CANX: variants seen among roughly 807,000 people sequenced by gnomAD.
The protein encoded by CANX is epididymis secretory sperm binding protein.
A neutral mutation model predicts 75.7 loss-of-function variants in CANX; 14 were observed. The ratio of observed to expected loss-of-function variants is 0.19; its 90% CI spans 0.12 to 0.29. CANX has a LOEUF of 0.29. Ranked by LOEUF, CANX falls within the 10% of genes least tolerant of loss-of-function variation. The pLI, the probability that CANX is intolerant of heterozygous loss-of-function variation, is 1.00. For synonymous variants in CANX, 227 were observed against 236.9 expected (o/e 0.96, Z 0.38); for missense variants, 567 against 713.2 (o/e 0.79, Z 2.34).
intron 1 of CANX, among the ~76,000 whole-genome samples, chr5:179,680,032 C>T (rs1337091363): frequency 7.4e-6 from 1 of 134,472 alleles, no homozygotes; most frequent in Non-Finnish European, 1.5e-5. Flanking sequence ...AGGCTGGTCT[C>T]GAACTCCGGA....
At chr5:179,678,962 C>A (rs1244501977) in intron 1 of CANX, 1 of 1,535,658 alleles carries the variant, frequency 6.5e-7, no homozygotes, top group Admixed American at 2.0e-5. Flanking sequence ...GTAGGCGAGG[C>A]CCAGCTCGGC....
chr5:179,679,051 G>C (rs1411965187), intron 1 of CANX: 1 of 1,534,732 alleles, frequency 6.5e-7, no homozygotes, highest in Admixed American at 2.0e-5. Context: ...GTGGCGAGAA[G>C]GGCCGCGAGA....
upstream of CANX, chr5:179,698,426 C>A (rs2113071719): frequency 7.8e-7 from 1 of 1,280,660 alleles, no homozygotes; most frequent in Admixed American, 2.3e-5. Flanking sequence ...CAGTGCACGC[C>A]AATCCGGCCA....
intron 1 of CANX, among the ~76,000 whole-genome samples, chr5:179,682,108 C>T (rs1031095669): frequency 4.6e-5 from 7 of 151,492 alleles, no homozygotes; most frequent in Non-Finnish European, 8.8e-5. Flanking sequence ...AAAAATTAGC[C>T]GGGTGTGGTG....
Position 179,731,067 on chromosome 5 carries a change from C to CT in CANX, c.*2427dup, listed in dbSNP as rs1364930477. 2.6e-5 allele frequency: 4 copies of CT among 152,176 alleles called. No homozygotes were observed. Among genetic ancestry groups the CT allele is most frequent in the African/African-American group, 7.2e-5 (3 of 41,426 alleles). 9.4% of individuals were successfully genotyped at this position (152,176 alleles called of 1,614,324 possible). Reference sequence around the variant, plus strand: ...ACTATTATGGACAGTGAAATAATGACTTTTATCTCACCACGTGAGTTTGAT... The same window carrying CT: ...ACTATTATGGACAGTGAAATAATGACTTTTTATCTCACCACGTGAGTTTGAT... On this transcript the variant is annotated 3_prime_UTR_variant, in exon 15 of 15. Coordinates refer to ENST00000247461, the MANE Select transcript of CANX (RefSeq NM_001746.4).
Position 179,678,801 on chromosome 5 carries a change from C to T in CANX, c.-4+24C>T, listed in dbSNP as rs899423770. 5.2e-6 allele frequency: 8 copies of T among 1,536,980 alleles called. No individual in the cohort carries two copies. The Admixed American group carries it at 9.8e-5, about 19-fold the overall frequency. On this transcript the variant is annotated intron_variant, in intron 1 of 14. Transcript: ENST00000681674. ...AGGTAGTTGTTCTCCTCCAGCAACA[C>T]TTGGCTTTTGGACCGCTGCACCTGC...
chr5:179,714,526 T>TTA (rs1777796376), intron 7 of CANX, among the ~76,000 whole-genome samples: 7 of 150,904 alleles, frequency 4.6e-5, no homozygotes, highest in African/African-American at 1.7e-4. Context: ...TTATTTTTAT[T>TTA]TTTTTTTTTG....
rs1393359182 is a variant in CANX at position 179,729,248 on chromosome 5, G to C, written c.*604G>C. The stretch of plus-strand genomic sequence containing the variant: ...AAATTCATATAAAAGTTGCGTTTAA[G>C]TTGTATTAAAAATAGATATATAAGA... On this transcript the variant is annotated 3_prime_UTR_variant, in exon 15 of 15. Coordinates refer to ENST00000247461, the MANE Select transcript of CANX (RefSeq NM_001746.4). The C allele has an allele frequency of 6.5e-6, 1 of 154,188 alleles. No individual in the cohort carries two copies. Among genetic ancestry groups the C allele is most frequent in the Non-Finnish European group, 1.4e-5 (1 of 69,450 alleles). The allele number at this position is 154,188 out of a possible 1,614,324, so 9.6% of individuals were successfully genotyped here.
At chr5:179,702,089 G>T (rs946886875) in intron 1 of CANX, among the ~76,000 whole-genome samples, 1 of 151,954 alleles carries the variant, frequency 6.6e-6, no homozygotes, top group Admixed American at 6.6e-5. Flanking sequence ...AGGCTGGAGT[G>T]CAGTGGCGTG....
chr5:179,700,448 C>T (rs988720587), intron 1 of CANX: 1 of 152,118 alleles, frequency 6.6e-6, no homozygotes, highest in Non-Finnish European at 1.5e-5. Flanking sequence ...AACTGTTGTA[C>T]ATTTGGTATA....
intron 4 of CANX, 137 bp from the exon 5 acceptor site, chr5:179,708,102 T>A (rs1327229003): frequency 3.1e-6 from 2 of 647,482 alleles, no homozygotes; most frequent in African/African-American, 3.6e-5. Context: ...CCTCCCTAAG[T>A]GCTGGGATTA....
chr5:179,709,085 T>C (rs1020093321), intron 6 of CANX, 26 bp downstream of exon 6: 2 of 1,324,538 alleles, frequency 1.5e-6, no homozygotes, highest in East Asian at 2.3e-5. Context: ...TTCTGGAATG[T>C]GGCTGGACAC....
upstream of CANX, among the ~76,000 whole-genome samples, chr5:179,696,277 T>C (rs535157826): frequency 8.0e-6 from 1 of 124,630 alleles, no homozygotes; most frequent in East Asian, 2.1e-4. Flanking sequence ...CTTTTTTTTT[T>C]TTTTTTTTTT....
rs1024966165 is a variant in CANX at position 179,729,693 on chromosome 5, G to C, written c.*1049G>C. On this transcript the variant is annotated 3_prime_UTR_variant, in exon 15 of 15. Coordinates refer to ENST00000247461, the MANE Select transcript of CANX (RefSeq NM_001746.4). ...TTTAAGCAGACCCATACCTTTCCAG[G>C]GTCAAAGTACAGAATAGAATACATT... 1 of 152,510 alleles carries C rather than the reference G, an allele frequency of 6.6e-6. No homozygotes were observed. Among genetic ancestry groups the C allele is most frequent in the African/African-American group, 2.4e-5 (1 of 41,390 alleles). 9.4% of individuals were successfully genotyped at this position (152,510 alleles called of 1,614,324 possible). A position where few individuals can be genotyped will look rare whatever the true frequency, so the allele number is the denominator to read the frequency against.
intron 7 of CANX, among the ~76,000 whole-genome samples, chr5:179,711,339 T>C (rs1777539055): frequency 6.6e-6 from 1 of 152,036 alleles, no homozygotes; most frequent in African/African-American, 2.4e-5. Context: ...TGAGGATTGC[T>C]TGAGCCCAGG....
intron 13 of CANX, among the ~76,000 whole-genome samples, chr5:179,726,393 G>A (rs113441648): frequency 0.021 from 3,226 of 151,810 alleles, 140 homozygotes; most frequent in African/African-American, 0.074. Flanking sequence ...TGGCTAACAC[G>A]GTGAAACCCC....
chr5:179,726,576 CA>C (rs869102481), intron 13 of CANX, 103 bp from the exon 14 acceptor site: 52,840 of 508,204 alleles, frequency 0.1, 36 homozygotes, highest in Middle Eastern at 0.14. Flanking sequence ...ACTCTGTCTC[CA>C]AAAAAAAAAA....
At chr5:179,706,427 G>A in intron 3 of CANX, 96 bp downstream of exon 3, 1 of 600,946 alleles carries the variant, frequency 1.7e-6, no homozygotes, top group Non-Finnish European at 2.9e-6. Flanking sequence ...ATAGTGAAAT[G>A]TCTAACTTTA....
chr5:179,684,086 C>A (rs1335179810), intron 1 of CANX, among the ~76,000 whole-genome samples: 1 of 152,128 alleles, frequency 6.6e-6, no homozygotes, highest in Non-Finnish European at 1.5e-5. Flanking sequence ...GCTTTCATTT[C>A]TCTTAAGTAA....
Sources: gnomAD v4.1 joint callset for allele counts (sites outside exome capture counted in the v4.1 genomes callset) on GRCh38, gnomAD v4.1.1 for gene constraint, MANE v1.5 for transcripts, NCBI Gene and HGNC (gene_info 2026-07-23, HGNC 2026-07-21) for gene names.